SSH1: variants seen among roughly 807,000 people sequenced by gnomAD.
SSH1 encodes protein phosphatase Slingshot homolog 1.
SSH1 carries 43 observed loss-of-function variants against 79.7 expected under a neutral mutation model. The ratio of observed to expected loss-of-function variants is 0.54; its 90% CI spans 0.42 to 0.70. SSH1 has a LOEUF of 0.70. Ranked by LOEUF, SSH1 falls within the 30% of genes least tolerant of loss-of-function variation. The pLI is 0.00. For missense variants in SSH1, 1,206 were observed against 1,358.8 expected (o/e 0.89, Z 1.77); for synonymous variants, 599 against 538.3 (o/e 1.11, Z -1.56).
intron 7 of SSH1, 151 bp downstream of exon 7, chr12:108,809,542 T>G (rs926263586): frequency 2.7e-6 from 2 of 731,524 alleles, no homozygotes; most frequent in Admixed American, 2.0e-5. Context: ...TTAAATATGG[T>G]GAAAATGATA....
At chr12:108,821,606 G>A (rs1347640798) in intron 3 of SSH1, among the ~76,000 whole-genome samples, 1 of 152,108 alleles carries the variant, frequency 6.6e-6, no homozygotes, top group African/African-American at 2.4e-5. Flanking sequence ...GGAAACTGAG[G>A]CTTAGAAGTC....
At position 108,782,210 on chromosome 12, in the gene SSH1, C is replaced by T. The variant is rs1345675835; in HGVS notation, c.*5778G>A. On this transcript the variant is annotated 3_prime_UTR_variant, in exon 15 of 15. Coordinates refer to ENST00000326495, the MANE Select transcript of SSH1 (RefSeq NM_018984.4). The stretch of plus-strand genomic sequence containing the variant: ...CTGAGTGTCCAAGGGAGAAGAGCCA[C>T]CAAAAGCTGCCTGGGGTGAAGTGGA... The T allele has an allele frequency of 6.6e-6, 1 of 151,498 alleles. No individual in the cohort carries two copies. The highest frequency in any genetic ancestry group is 1.5e-5 in the Non-Finnish European group (1 of 67,904). 9.4% of individuals were successfully genotyped at this position (151,498 alleles called of 1,614,324 possible). A position where few individuals can be genotyped will look rare whatever the true frequency, so the allele number is the denominator to read the frequency against.
At position 108,857,491 on chromosome 12, in the gene SSH1, G is replaced by A; in HGVS notation, c.6C>T (p.Ala2=). 2 of 1,137,372 alleles carry A rather than the reference G, an allele frequency of 1.8e-6. No individual in the cohort carries two copies. The highest frequency in any genetic ancestry group is 3.3e-5 in the Admixed American group (1 of 30,644). 70.5% of individuals were successfully genotyped at this position (1,137,372 alleles called of 1,614,324 possible). M[A]LVTLQRSPTP... ...TGGGCGAGCGCTGCAGGGTCACCAG[G>A]GCCATGGCTGCGGCGCGGTGCGAGG... Residue 2 remains alanine, a synonymous_variant, in exon 1 of 15, where the codon GCC becomes GCT. Transcript: ENST00000326495. This position sits in a 1 kb window ranked among gnomAD's most constrained non-coding sequence, Gnocchi z 4.7.
chr12:108,843,352 C>A (rs2038823235), intron 2 of SSH1, among the ~76,000 whole-genome samples: 1 of 152,166 alleles, frequency 6.6e-6, no homozygotes, highest in African/African-American at 2.4e-5. Flanking sequence ...ACTTACAAGA[C>A]CTCTAGGGCC....
chr12:108,821,175 T>G (rs1253385261), intron 3 of SSH1, among the ~76,000 whole-genome samples: 2 of 151,414 alleles, frequency 1.3e-5, no homozygotes, highest in East Asian at 3.9e-4. Flanking sequence ...AGGCCAGGAG[T>G]TGGAGACCAG....
intron 3 of SSH1, among the ~76,000 whole-genome samples, chr12:108,818,786 C>T (rs1350032687): frequency 6.6e-6 from 1 of 152,232 alleles, no homozygotes; most frequent in African/African-American, 2.4e-5. Flanking sequence ...CAGAGTCTCG[C>T]ACTGTCACCC....
intron 6 of SSH1, 94 bp from the exon 7 acceptor site, chr12:108,809,852 A>G: frequency 9.6e-7 from 1 of 1,038,938 alleles, no homozygotes; most frequent in Non-Finnish European, 1.5e-6. Flanking sequence ...ACCACTGCGC[A>G]CGCTGGGAAC....
At chr12:108,792,097 G>T (rs909164183) in intron 14 of SSH1, 189 bp downstream of exon 14, 1 of 1,467,572 alleles carries the variant, frequency 6.8e-7, no homozygotes, top group Non-Finnish European at 9.0e-7. Context: ...CCCACCAGCA[G>T]AATCACCCTG....
At chr12:108,852,742 T>C (rs2039069689) in intron 1 of SSH1, 64 bp from the exon 2 acceptor site, 1 of 1,611,368 alleles carries the variant, frequency 6.2e-7, no homozygotes, top group Non-Finnish European at 8.5e-7. Context: ...CGGGCGGCAG[T>C]CTCACATTTT....
intron 2 of SSH1, among the ~76,000 whole-genome samples, chr12:108,828,636 G>C (rs980121857): frequency 1.3e-5 from 2 of 152,134 alleles, no homozygotes; most frequent in African/African-American, 4.8e-5. Flanking sequence ...ACTGTGCCGG[G>C]GTTCTTCCAT....
At chr12:108,851,248 T>C (rs1386314618) in intron 2 of SSH1, among the ~76,000 whole-genome samples, 2 of 152,148 alleles carry the variant, frequency 1.3e-5, no homozygotes, top group African/African-American at 4.8e-5. Context: ...TTAGAAATCA[T>C]GTGTGCCGTA....
At chr12:108,806,237 C>T (rs764754001) in intron 9 of SSH1, 64 bp downstream of exon 9, 136 of 1,483,890 alleles carry the variant, frequency 9.2e-5, no homozygotes, top group Non-Finnish European at 1.2e-4. Flanking sequence ...GCTGCACTTT[C>T]GGGAGCAGGA....
intron 2 of SSH1, among the ~76,000 whole-genome samples, chr12:108,824,010 C>G (rs1177401278): frequency 6.6e-6 from 1 of 152,248 alleles, no homozygotes. Flanking sequence ...TAGGAGAGGG[C>G]AGTCTACTTT....
chr12:108,844,584 TG>T (rs1480581629), intron 2 of SSH1, among the ~76,000 whole-genome samples: 1 of 152,238 alleles, frequency 6.6e-6, no homozygotes, highest in Non-Finnish European at 1.5e-5. Flanking sequence ...ACAGATTGAC[TG>T]GTGGGCAGAA....
intron 6 of SSH1, among the ~76,000 whole-genome samples, chr12:108,810,847 G>A (rs929367838): frequency 6.6e-6 from 1 of 152,198 alleles, no homozygotes; most frequent in Non-Finnish European, 1.5e-5. Flanking sequence ...ACCTTGTTGT[G>A]CCTGTCAGTT....
In SSH1 at chr12:108,784,016, A is replaced by G. The variant is rs1015607293; in HGVS notation, c.*3972T>C. ...AGGAGCCCTGCTAGGTGGCCAGCCA[A>G]TGAGAAGAGTTTTGGGCAAAATGTA... is the stretch of plus-strand genomic sequence containing the variant. On this transcript the variant is annotated 3_prime_UTR_variant, in exon 15 of 15. Transcript: ENST00000326495. The G allele has an allele frequency of 6.6e-6, 1 of 152,222 alleles. No individual in the cohort carries two copies. The highest frequency in any genetic ancestry group is 1.5e-5 in the Non-Finnish European group (1 of 68,066). 9.4% of individuals were successfully genotyped at this position (152,222 alleles called of 1,614,324 possible).
intron 9 of SSH1, among the ~76,000 whole-genome samples, chr12:108,806,004 G>T (rs1361698446): frequency 6.6e-6 from 1 of 152,158 alleles, no homozygotes; most frequent in Non-Finnish European, 1.5e-5. Context: ...GCTTCTCGGT[G>T]CAGTCTGTGG....
Position 108,805,042 on chromosome 12 carries a change from G to A in SSH1, c.954+14C>T. On this transcript the variant is annotated intron_variant, in intron 10 of 14. Transcript: ENST00000326495. ...GTCCCCCAAACCAGATACTGCCAGG[G>A]CCATGCCTCTTACGAGATAAAGATG... 1 of 1,613,962 alleles carries A rather than the reference G, an allele frequency of 6.2e-7. No individual in the cohort carries two copies. Among genetic ancestry groups the A allele is most frequent in the Non-Finnish European group, 8.5e-7 (1 of 1,179,886 alleles).
Position 108,802,365 on chromosome 12 carries a change from A to C in SSH1, c.958T>G (p.Ser320Ala). The C allele has an allele frequency of 6.2e-7, 1 of 1,614,068 alleles. No individual in the cohort carries two copies. The highest frequency in any genetic ancestry group is 1.1e-5 in the South Asian group (1 of 91,072). ...SLIFDHLYLG[S>A]EWNASNLEEL... is the part of the protein sequence containing the mutation. Reference sequence around the variant, plus strand: ...TCCAGATTGGATGCATTCCATTCAGAGCCCTGGGAGACAGATCACACAAGC... The same window carrying C: ...TCCAGATTGGATGCATTCCATTCAGCGCCCTGGGAGACAGATCACACAAGC... Residue 320 changes from serine to alanine, a missense_variant, in exon 11 of 15, where the codon TCT (serine) becomes GCT (alanine). Ser to Ala is a moderately conservative substitution (Grantham distance 99). Transcript: ENST00000326495.
Sources: allele counts gnomAD v4.1 joint callset (sites outside exome capture counted in the v4.1 genomes callset), GRCh38; gene constraint gnomAD v4.1.1; non-coding constraint Gnocchi (gnomAD v3.1); transcripts MANE v1.5; gene names NCBI Gene and HGNC (gene_info 2026-07-23, HGNC 2026-07-21).